The following LEKR1 variants were observed in gnomAD, a reference collection of about 807,000 sequenced individuals.
LEKR1 encodes leucine, glutamate and lysine rich 1, also known as protein LEKR1.
A neutral mutation model predicts 72.4 loss-of-function variants in LEKR1; 59 were observed. That is an observed-to-expected ratio of 0.82 (90% CI 0.66 to 1.01). The LOEUF (loss-of-function observed/expected upper bound fraction) is 1.01, where lower values mean the gene tolerates loss of function less well. LEKR1 is among the 50% of genes least tolerant of loss of function. LEKR1 has a pLI of 0.00. For synonymous variants in LEKR1, 257 were observed against 263.2 expected (o/e 0.98, Z 0.23); for missense variants, 728 against 759.2 (o/e 0.96, Z 0.48).
chr3:156,959,965 C>A (rs1392218969), intron 6 of LEKR1, among the ~76,000 whole-genome samples: 1 of 152,016 alleles, frequency 6.6e-6, no homozygotes, highest in Non-Finnish European at 1.5e-5. Flanking sequence ...TGTTCCCTAC[C>A]AATGTGGTAT....
chr3:157,045,286 T>G, intron 12 of LEKR1, 54 bp from the exon 13 acceptor site: 1 of 1,417,766 alleles, frequency 7.1e-7, no homozygotes, highest in Non-Finnish European at 9.7e-7. Flanking sequence ...AACTATCTAC[T>G]TATGTACATT....
At chr3:156,827,943 T>G (rs559243248) in intron 1 of LEKR1, among the ~76,000 whole-genome samples, 4 of 152,386 alleles carry the variant, frequency 2.6e-5, no homozygotes, top group African/African-American at 9.6e-5. Context: ...TATTTCATTT[T>G]ACTGATGGCA....
At chr3:156,940,422 G>A (rs1301092078) in intron 5 of LEKR1, among the ~76,000 whole-genome samples, 2 of 152,122 alleles carry the variant, frequency 1.3e-5, no homozygotes, top group Non-Finnish European at 2.9e-5. Flanking sequence ...TTCTTCATGG[G>A]ATGGTGCTGA....
intron 11 of LEKR1, 31 bp from the exon 12 acceptor site, chr3:157,028,072 C>T (rs752718870): frequency 1.7e-5 from 24 of 1,411,754 alleles, no homozygotes; most frequent in Non-Finnish European, 2.2e-5. Flanking sequence ...GAAACTATCG[C>T]CTACAAGCTA....
At chr3:156,845,766 C>T (rs546819652) in intron 2 of LEKR1, among the ~76,000 whole-genome samples, 3 of 152,020 alleles carry the variant, frequency 2.0e-5, no homozygotes, top group African/African-American at 7.2e-5. Context: ...TAGTGATTCC[C>T]CCCACTTTAT....
At chr3:157,007,661 T>G (rs1324259703) in intron 9 of LEKR1, among the ~76,000 whole-genome samples, 2 of 152,188 alleles carry the variant, frequency 1.3e-5, no homozygotes, top group Non-Finnish European at 2.9e-5. Flanking sequence ...CTTTAAGAGA[T>G]TCTATGTTTT....
chr3:156,849,157 A>G (rs1027968085), intron 2 of LEKR1, among the ~76,000 whole-genome samples: 5 of 152,192 alleles, frequency 3.3e-5, no homozygotes, highest in African/African-American at 1.2e-4. Context: ...CCCATTCACA[A>G]TTGCTTCAAA....
At chr3:157,001,993 G>A (rs1040444291) in intron 9 of LEKR1, among the ~76,000 whole-genome samples, 67 of 152,154 alleles carry the variant, frequency 4.4e-4, no homozygotes, top group Middle Eastern at 3.4e-3. Context: ...TTTAAAACTG[G>A]GAAGCTCCAG....
At chr3:156,844,903 C>CA (rs1714391745) in intron 2 of LEKR1, among the ~76,000 whole-genome samples, 1 of 92,936 alleles carries the variant, frequency 1.1e-5, no homozygotes. Flanking sequence ...ATAGTAACTA[C>CA]AGGTTTTTTT....
At chr3:156,955,446 G>A (rs1048094770) in intron 6 of LEKR1, among the ~76,000 whole-genome samples, 1 of 151,944 alleles carries the variant, frequency 6.6e-6, no homozygotes, top group African/African-American at 2.4e-5. Flanking sequence ...AATACTTCTA[G>A]CTTTTGCACA....
At chr3:156,977,259 T>A (rs1729776483) in intron 6 of LEKR1, among the ~76,000 whole-genome samples, 1 of 152,184 alleles carries the variant, frequency 6.6e-6, no homozygotes, top group African/African-American at 2.4e-5. Flanking sequence ...CCCCTTTATG[T>A]AAATGAGTTA....
intron 9 of LEKR1, among the ~76,000 whole-genome samples, chr3:156,999,307 A>G (rs1731833308): frequency 6.6e-6 from 1 of 152,206 alleles, no homozygotes; most frequent in Admixed American, 6.5e-5. Context: ...AGAGGTTTGT[A>G]GTCTCCTGTT....
At chr3:157,006,705 C>T (rs895022509) in intron 9 of LEKR1, among the ~76,000 whole-genome samples, 4 of 152,194 alleles carry the variant, frequency 2.6e-5, no homozygotes, top group African/African-American at 9.7e-5. Context: ...AAGGTACAAC[C>T]TGGATGAATC....
chr3:156,923,197 A>G (rs1009767526), intron 4 of LEKR1, among the ~76,000 whole-genome samples: 1 of 152,144 alleles, frequency 6.6e-6, no homozygotes, highest in Non-Finnish European at 1.5e-5. Context: ...TCTTAAGGAG[A>G]CAATTTAATT....
intron 8 of LEKR1, 77 bp from the exon 9 acceptor site, chr3:156,992,997 C>G (rs534787057): frequency 1.4e-6 from 1 of 717,522 alleles, no homozygotes; most frequent in Non-Finnish European, 2.2e-6. Context: ...TTCAAATGAG[C>G]TCTTGATACA....
chr3:156,887,542 A>T (rs564491354), intron 3 of LEKR1, among the ~76,000 whole-genome samples: 116 of 152,248 alleles, frequency 7.6e-4, no homozygotes, highest in Non-Finnish European at 1.5e-3. Flanking sequence ...GATGCTTTGA[A>T]TTCTGAACAC....
At chr3:156,922,597 G>C (rs1386277891) in intron 4 of LEKR1, among the ~76,000 whole-genome samples, 1 of 152,100 alleles carries the variant, frequency 6.6e-6, no homozygotes, top group Non-Finnish European at 1.5e-5. Context: ...CTAGCCTCCA[G>C]CAAAGTATTC....
intron 9 of LEKR1, among the ~76,000 whole-genome samples, chr3:157,004,791 A>T (rs1389861504): frequency 6.6e-6 from 1 of 152,110 alleles, no homozygotes; most frequent in Admixed American, 6.5e-5. Flanking sequence ...GAAAATGAAA[A>T]CATCAAAATT....
At chr3:156,951,521 C>T (rs1727155682) in intron 6 of LEKR1, among the ~76,000 whole-genome samples, 1 of 151,366 alleles carries the variant, frequency 6.6e-6, no homozygotes, top group East Asian at 1.9e-4. Context: ...CTGTTTATTA[C>T]TGATTTAATT....
Sources: gnomAD v4.1 joint callset for allele counts (sites outside exome capture counted in the v4.1 genomes callset) on GRCh38, gnomAD v4.1.1 for gene constraint, MANE v1.5 for transcripts, NCBI Gene and HGNC (gene_info 2026-07-23, HGNC 2026-07-21) for gene names.